PDE4D: variants seen among roughly 807,000 people sequenced by gnomAD.
The protein encoded by PDE4D is 3',5'-cyclic-AMP phosphodiesterase 4D.
A neutral mutation model predicts 87.4 loss-of-function variants in PDE4D; 24 were observed. The ratio of observed to expected loss-of-function variants is 0.27; its 90% CI spans 0.20 to 0.39. PDE4D has a LOEUF of 0.39. PDE4D is among the 10% of genes least tolerant of loss of function. The pLI is 1.00. For synonymous variants in PDE4D, 384 were observed against 383.2 expected, an observed-to-expected ratio of 1.00 and a Z score of -0.02; for missense variants, 714 against 1,041.0, an observed-to-expected ratio of 0.69 and a Z score of 4.32.
chr5:60,101,527 TAGATATA>T (rs1582653122), intron 2 of PDE4D, among the ~76,000 whole-genome samples: 1 of 152,140 alleles, frequency 6.6e-6, no homozygotes, highest in East Asian at 1.9e-4. Flanking sequence ...CCTCCACCAG[TAGATATA>T]AGACTTTAGG....
intron 1 of PDE4D, among the ~76,000 whole-genome samples, chr5:59,488,336 G>A (rs1029943065): frequency 6.6e-6 from 1 of 152,152 alleles, no homozygotes; most frequent in Non-Finnish European, 1.5e-5. Flanking sequence ...GAGCTATTCA[G>A]CTGAAGCAAG....
Position 59,226,921 on chromosome 5 carries a change from T to C in PDE4D, c.456-10953A>G, listed in dbSNP as rs183808340. Among the ~76,000 whole-genome samples, 490 of 152,286 alleles carry C rather than the reference T, an allele frequency of 3.2e-3. 2 individuals carry two copies. Among genetic ancestry groups the C allele is most frequent in the Non-Finnish European group, 4.6e-3 (314 of 68,024 alleles). ...CAATTTCATGCAGGTGTCACTGTGA[T>C]TGAGAATAAAACAAGTAGAGATTTA... is the stretch of plus-strand genomic sequence containing the variant. On this transcript the variant is annotated intron_variant, in intron 1 of 14. Transcript: ENST00000340635.
intron 1 of PDE4D, among the ~76,000 whole-genome samples, chr5:59,300,111 CAAAAAAAA>C (rs58771016): frequency 2.1e-5 from 1 of 48,758 alleles, no homozygotes; most frequent in African/African-American, 9.1e-5. Context: ...GGGTCTGTCT[CAAAAAAAA>C]AAAAAAAAAA....
chr5:60,392,176 G>T (rs1302998926), intron 1 of PDE4D, among the ~76,000 whole-genome samples: 1 of 152,106 alleles, frequency 6.6e-6, no homozygotes, highest in African/African-American at 2.4e-5. Context: ...TAGGACCAAA[G>T]ATACCCTGAG....
At chr5:59,215,548 CATGCGTGTGT>C in intron 2 of PDE4D, 1 of 412,980 alleles carries the variant, frequency 2.4e-6, no homozygotes, top group African/African-American at 2.6e-5. Context: ...AAAATAAATA[CATGCGTGTGT>C]GTGTGTGTGT....
At chr5:59,392,966 A>C (rs1343184946) in intron 1 of PDE4D, among the ~76,000 whole-genome samples, 3 of 152,230 alleles carry the variant, frequency 2.0e-5, no homozygotes, top group African/African-American at 7.2e-5. Context: ...ACTCAGCTGA[A>C]GAATGAAAGA....
At chr5:60,361,947 C>T (rs1017176622) in intron 1 of PDE4D, among the ~76,000 whole-genome samples, 10 of 152,262 alleles carry the variant, frequency 6.6e-5, no homozygotes, top group African/African-American at 2.4e-4. Flanking sequence ...ATGTCACAGC[C>T]CAGACTCACA....
At chr5:60,438,347 T>C (rs563494031) in intron 1 of PDE4D, among the ~76,000 whole-genome samples, 2 of 152,244 alleles carry the variant, frequency 1.3e-5, no homozygotes, top group African/African-American at 2.4e-5. Flanking sequence ...GCAGCTCTCC[T>C]ATCTTCACCA....
chr5:59,305,885 G>A (rs922010305), intron 1 of PDE4D, among the ~76,000 whole-genome samples: 1 of 152,014 alleles, frequency 6.6e-6, no homozygotes, highest in Admixed American at 6.6e-5. Context: ...CAGTTGTTCT[G>A]TATATATCTG....
intron 1 of PDE4D, among the ~76,000 whole-genome samples, chr5:60,270,459 T>G (rs924431856): frequency 6.6e-6 from 1 of 152,266 alleles, no homozygotes; most frequent in Non-Finnish European, 1.5e-5. Flanking sequence ...TAATTATGAC[T>G]ATATACCTAG....
chr5:59,446,471 C>G (rs1798367883), intron 1 of PDE4D, among the ~76,000 whole-genome samples: 1 of 152,156 alleles, frequency 6.6e-6, no homozygotes, highest in Middle Eastern at 3.2e-3. Context: ...TTTATAGTTA[C>G]TTCTCATTTT....
At chr5:59,897,910 G>A (rs1367207131), upstream of PDE4D, among the ~76,000 whole-genome samples, 5 of 152,060 alleles carry the variant, frequency 3.3e-5, 1 homozygote, top group Non-Finnish European at 1.5e-5. Flanking sequence ...AGTAGAAACA[G>A]GTTCTTAGGA....
intron 5 of PDE4D, chr5:59,039,671 T>C (rs927651764): frequency 2.8e-4 from 77 of 270,290 alleles, no homozygotes; most frequent in African/African-American, 1.7e-3. Context: ...TGCAAAAGCC[T>C]GTCCCTGTCC....
At chr5:60,382,126 G>A (rs1761901113) in intron 1 of PDE4D, among the ~76,000 whole-genome samples, 2 of 151,996 alleles carry the variant, frequency 1.3e-5, no homozygotes, top group South Asian at 2.1e-4. Flanking sequence ...AGGGCATTTA[G>A]AAGTTTGTCT....
At position 59,914,576 on chromosome 5, in the gene PDE4D, G is replaced by C. The variant is rs552540966; in HGVS notation, c.272+73912C>G. Among the ~76,000 whole-genome samples the C allele has an allele frequency of 1.9e-3, 291 of 149,888 alleles. 2 individuals are homozygous for C. The highest frequency in any genetic ancestry group is 2.5e-3 in the Non-Finnish European group (169 of 67,200). On this transcript the variant is annotated intron_variant, in intron 3 of 16. Coordinates refer to the PDE4D transcript ENST00000502484. The stretch of plus-strand genomic sequence containing the variant: ...TGTGTGTGTGTGTGCATGTGCGTGT[G>C]TGTGTGTGTGTGTGTGTTTGGGGGA...
intron 5 of PDE4D, among the ~76,000 whole-genome samples, chr5:59,049,573 G>A (rs1470632961): frequency 6.6e-6 from 1 of 152,106 alleles, no homozygotes; most frequent in Non-Finnish European, 1.5e-5. Flanking sequence ...ACAAAATAGA[G>A]TAAAATTTTA....
intron 5 of PDE4D, among the ~76,000 whole-genome samples, chr5:59,084,031 C>T (rs1425086551): frequency 6.6e-6 from 1 of 151,868 alleles, no homozygotes; most frequent in Non-Finnish European, 1.5e-5. Flanking sequence ...TATAATTTAG[C>T]ACAACGATGT....
intron 1 of PDE4D, among the ~76,000 whole-genome samples, chr5:60,252,119 C>A (rs1748543163): frequency 6.6e-6 from 1 of 151,836 alleles, no homozygotes; most frequent in South Asian, 2.1e-4. Context: ...AGCTATACCA[C>A]CCAGGTGTAT....
intron 6 of PDE4D, among the ~76,000 whole-genome samples, chr5:59,028,805 T>C (rs1756717719): frequency 6.6e-6 from 1 of 152,194 alleles, no homozygotes; most frequent in African/African-American, 2.4e-5. Context: ...AGTCTCTAAA[T>C]TGTTCTTGCA....
Sources: allele counts gnomAD v4.1 joint callset (sites outside exome capture counted in the v4.1 genomes callset), GRCh38; gene constraint gnomAD v4.1.1; transcripts MANE v1.5; gene names NCBI Gene and HGNC (gene_info 2026-07-23, HGNC 2026-07-21).